The following SORBS2 variants were observed in gnomAD, a reference collection of about 807,000 sequenced individuals.
The protein encoded by SORBS2 is sorbin and SH3 domain containing 2.
In SORBS2, 46 loss-of-function variants were observed where a neutral mutation model predicts 97.7. The ratio of observed to expected loss-of-function variants is 0.47; its 90% CI spans 0.37 to 0.60. SORBS2 has a LOEUF of 0.60. Among genes scored for constraint, SORBS2 ranks in the 20% least tolerant of loss-of-function variants. The probability of loss-of-function intolerance (pLI) is 0.00; values close to 1 mark genes in which losing one functional copy is unlikely to be tolerated. For synonymous variants in SORBS2, 476 were observed against 473.4 expected, an observed-to-expected ratio of 1.01 and a Z score of -0.07; for missense variants, 1,316 against 1,282.3, an observed-to-expected ratio of 1.03 and a Z score of -0.40.
intron 1 of SORBS2, among the ~76,000 whole-genome samples, chr4:185,914,607 T>G (rs936667327): frequency 6.6e-6 from 1 of 152,236 alleles, no homozygotes; most frequent in Non-Finnish European, 1.5e-5. Flanking sequence ...ACGTTCATTG[T>G]AAATACTGTG....
chr4:185,807,895 C>T (rs1032617628), intron 1 of SORBS2, among the ~76,000 whole-genome samples: 3 of 152,146 alleles, frequency 2.0e-5, no homozygotes, highest in African/African-American at 7.2e-5. Flanking sequence ...AAGTGCAACT[C>T]ATTTCATTAT....
In SORBS2 at chr4:185,674,439, C is replaced by G. The variant is rs187066976; in HGVS notation, c.-46+3984G>C. Reference sequence around the variant, plus strand: ...TGCTTTGAGCCCCATCATTTCTTACCTAAAGGACTGCAGTAGTTACCTAAC... The same window carrying G: ...TGCTTTGAGCCCCATCATTTCTTACGTAAAGGACTGCAGTAGTTACCTAAC... On this transcript the variant is annotated intron_variant, in intron 4 of 20. Transcript: ENST00000284776. Among the ~76,000 whole-genome samples, 3 of 152,288 alleles carry G rather than the reference C, an allele frequency of 2.0e-5. No individual in the cohort carries two copies. In the East Asian group the frequency reaches 5.8e-4, roughly 29 times the overall value.
intron 2 of SORBS2, among the ~76,000 whole-genome samples, chr4:185,754,338 T>C (rs2098818392): frequency 6.6e-6 from 1 of 152,108 alleles, no homozygotes. Context: ...AAAAACTACC[T>C]ATCAAGTACT....
intron 4 of SORBS2, among the ~76,000 whole-genome samples, chr4:185,636,648 A>ATTTTTTTTT (rs1228463050): frequency 7.5e-6 from 1 of 134,006 alleles, no homozygotes; most frequent in Non-Finnish European, 1.6e-5. Flanking sequence ...CCAGTTGACT[A>ATTTTTTTTT]TTTTTTTTTT....
chr4:185,837,874 AC>A, intron 1 of SORBS2, among the ~76,000 whole-genome samples: 1 of 151,106 alleles, frequency 6.6e-6, no homozygotes, highest in Non-Finnish European at 1.5e-5. Context: ...TGCTTTGAGA[AC>A]AAAAAAGATT....
At chr4:185,692,751 G>A (rs1298427694) in intron 2 of SORBS2, among the ~76,000 whole-genome samples, 1 of 151,920 alleles carries the variant, frequency 6.6e-6, no homozygotes, top group African/African-American at 2.4e-5. Flanking sequence ...TTTATATATA[G>A]ATATATATGT....
exon 5 of SORBS2, chr4:185,662,104 C>T (rs761261656): frequency 1.1e-5 from 17 of 1,613,816 alleles, no homozygotes; most frequent in Admixed American, 3.3e-5. Context: ...AATTACTTAC[C>T]GAGGGATGTG....
chr4:185,926,015 A>T (rs11723991), intron 1 of SORBS2, among the ~76,000 whole-genome samples: 1 of 152,104 alleles, frequency 6.6e-6, no homozygotes, highest in Admixed American at 6.5e-5. Flanking sequence ...AGGGAACAGC[A>T]CACACAGACT....
rs74400755 is a variant in SORBS2, at chr4:185,893,543, T to C, written c.-338+62653A>G. 7.3e-3 allele frequency among the ~76,000 whole-genome samples: 1,105 copies of C among 152,306 alleles called. 10 individuals are homozygous for C. Among genetic ancestry groups the C allele is most frequent in the Middle Eastern group, 0.034 (10 of 294 alleles). ...AGGGAATTTTCTTCCCTCCAGCTTC[T>C]GAAGGTTTGATAATTTGAGTCCATA... On this transcript the variant is annotated intron_variant, in intron 1 of 20. Coordinates refer to the SORBS2 transcript ENST00000284776.
At chr4:185,883,757 G>T (rs2099238005) in intron 1 of SORBS2, among the ~76,000 whole-genome samples, 1 of 152,208 alleles carries the variant, frequency 6.6e-6, no homozygotes, top group Non-Finnish European at 1.5e-5. Flanking sequence ...GCTGAAGTGG[G>T]AGGTCACTTG....
chr4:185,927,439 C>T (rs1379318856), intron 1 of SORBS2, among the ~76,000 whole-genome samples: 1 of 150,406 alleles, frequency 6.6e-6, no homozygotes, highest in African/African-American at 2.4e-5. Flanking sequence ...CCTCCCCTTG[C>T]CCCCCACCCC....
chr4:185,771,929 TTA>T (rs1274082317), intron 2 of SORBS2: 2 of 152,180 alleles, frequency 1.3e-5, no homozygotes, highest in African/African-American at 4.8e-5. Context: ...TGCAATGATT[TTA>T]TGTTTCCCAA....
chr4:185,925,878 A>G (rs778660099), intron 1 of SORBS2, among the ~76,000 whole-genome samples: 2 of 152,256 alleles, frequency 1.3e-5, no homozygotes, highest in Non-Finnish European at 2.9e-5. Context: ...TAGGGACTCA[A>G]TCCATATCAC....
chr4:185,816,501 T>C (rs1275110605), intron 1 of SORBS2, among the ~76,000 whole-genome samples: 2 of 152,184 alleles, frequency 1.3e-5, no homozygotes, highest in Non-Finnish European at 2.9e-5. Context: ...GTGAACAATG[T>C]CAAAATAGGA....
intron 2 of SORBS2, among the ~76,000 whole-genome samples, chr4:185,702,735 T>C (rs900987830): frequency 5.9e-5 from 9 of 152,068 alleles, no homozygotes; most frequent in Non-Finnish European, 1.3e-4. Context: ...GGCAAATCAC[T>C]TCACTTCGAT....
Position 185,646,433 on chromosome 4 carries a change from AAAT to A in SORBS2, c.396+232_396+234del. On this transcript the variant is annotated intron_variant, in intron 4 of 14. Transcript: ENST00000418609. ...TGTGTGTGTGTATATATATATATAT[AAAT>A]ACACACACATACACACACACATACA... 8 of 316,208 alleles carry A rather than the reference AAAT, an allele frequency of 2.5e-5. No homozygotes were observed. The East Asian group carries it at 3.5e-4, about 14-fold the overall frequency. The allele number at this position is 316,208 out of a possible 1,614,324, so 19.6% of individuals were successfully genotyped here.
At chr4:185,591,822 A>T (rs1365570625) in intron 13 of SORBS2, 1 of 152,228 alleles carries the variant, frequency 6.6e-6, no homozygotes, top group Non-Finnish European at 1.5e-5. Flanking sequence ...ACGCAACAAA[A>T]TTGGCACAGA....
chr4:185,735,075 T>C (rs1472483336), intron 2 of SORBS2, among the ~76,000 whole-genome samples: 1 of 152,180 alleles, frequency 6.6e-6, no homozygotes. Context: ...ATAAGAAATT[T>C]TATACAAGGC....
chr4:185,690,584 G>A, intron 2 of SORBS2: 3 of 1,515,022 alleles, frequency 2.0e-6, no homozygotes, highest in Non-Finnish European at 2.7e-6. Flanking sequence ...TCACCTTGGA[G>A]AGTTTGTTAT....
Sources: allele counts gnomAD v4.1 joint callset (sites outside exome capture counted in the v4.1 genomes callset), GRCh38; gene constraint gnomAD v4.1.1; transcripts MANE v1.5; gene names NCBI Gene and HGNC (gene_info 2026-07-23, HGNC 2026-07-21).